PTPN13: variants seen among roughly 807,000 people sequenced by gnomAD.
PTPN13 encodes the protein protein tyrosine phosphatase non-receptor type 13, also known as tyrosine-protein phosphatase non-receptor type 13.
A neutral mutation model predicts 284.0 loss-of-function variants in PTPN13; 191 were observed. The observed-to-expected ratio is 0.67, with a 90% confidence interval of 0.60 to 0.76. The LOEUF (loss-of-function observed/expected upper bound fraction) is 0.76, where lower values mean the gene tolerates loss of function less well. PTPN13 is among the 30% of genes least tolerant of loss of function. The probability of loss-of-function intolerance (pLI) is 0.00; values close to 1 mark genes in which losing one functional copy is unlikely to be tolerated. For missense variants in PTPN13, 2,797 were observed against 2,939.9 expected, an observed-to-expected ratio of 0.95 and a Z score of 1.12; for synonymous variants, 986 against 1,022.3, an observed-to-expected ratio of 0.96 and a Z score of 0.68.
rs1301043823 is a variant in PTPN13 at position 86,801,509 on chromosome 4, A to AGT, written c.6506-2200_6506-2199insGT. ...ATTAGAATTTCAGTTACAGCTAAGC[A>AGT]TACTTGTAAAACTTTAGGACAGCAT... is the stretch of plus-strand genomic sequence containing the variant. On this transcript the variant is annotated intron_variant, in intron 42 of 47. Transcript: ENST00000411767. 2.3e-4 allele frequency among the ~76,000 whole-genome samples: 35 copies of AGT among 152,358 alleles called. No individual in the cohort carries two copies. The Middle Eastern group carries it at 0.01, about 44-fold the overall frequency.
Position 86,764,613 on chromosome 4 carries a change from T to C in PTPN13, c.4038T>C (p.Asn1346=), listed in dbSNP as rs2149254272. Residue 1346 remains asparagine, a synonymous_variant, in exon 25 of 48, where the codon AAT becomes AAC. Coordinates refer to ENST00000411767, the MANE Select transcript of PTPN13 (RefSeq NM_080683.3). The part of the protein sequence containing the change: ...TPKQESSSSV[N]TSNKMNFKTF... The stretch of plus-strand genomic sequence containing the variant: ...TTAAGGAATCTTCCTCTTCAGTGAA[T>C]ACATCCAACAAGATGAATTTTAAAA... 3 of 1,532,844 alleles carry C rather than the reference T, an allele frequency of 2.0e-6. No individual in the cohort carries two copies. In the East Asian group the frequency reaches 7.2e-5, roughly 37 times the overall value. 95.0% of individuals were successfully genotyped at this position (1,532,844 alleles called of 1,614,324 possible).
chr4:86,600,308 A>G (rs1764184815), intron 1 of PTPN13, among the ~76,000 whole-genome samples: 2 of 152,078 alleles, frequency 1.3e-5, no homozygotes, highest in Non-Finnish European at 2.9e-5. Context: ...ACACACCTAG[A>G]AAAGATGTTT....
At chr4:86,814,240 C>T (rs1179908180) in intron 47 of PTPN13, among the ~76,000 whole-genome samples, 3 of 151,272 alleles carry the variant, frequency 2.0e-5, no homozygotes, top group African/African-American at 4.9e-5. Flanking sequence ...CTCTTGACCT[C>T]GTGATCCACC....
intron 17 of PTPN13, 139 bp from the exon 18 acceptor site, chr4:86,750,331 T>A (rs1233976127): frequency 1.3e-6 from 1 of 749,338 alleles, no homozygotes. Context: ...AAACCCTGAT[T>A]GCCACACTTT....
intron 40 of PTPN13, among the ~76,000 whole-genome samples, chr4:86,791,343 C>T (rs1445108937): frequency 1.3e-5 from 2 of 152,172 alleles, no homozygotes; most frequent in East Asian, 3.9e-4. Context: ...AACAAAGCGG[C>T]CGGGAAGCTT....
Position 86,669,285 on chromosome 4 carries a change from G to GTATATATATATA in PTPN13, c.116-3059_116-3048dup, listed in dbSNP as rs34939020. ...TGACCTGTAATGTTGGGAAGAAGAT[G>GTATATATATATA]TATATATATATATATATATATATAT... is the stretch of plus-strand genomic sequence containing the variant. On this transcript the variant is annotated intron_variant, in intron 2 of 47. Transcript: ENST00000411767. 2.9e-3 allele frequency among the ~76,000 whole-genome samples: 334 copies of GTATATATATATA among 113,342 alleles called. 3 individuals are homozygous for GTATATATATATA. The highest frequency in any genetic ancestry group is 5.0e-3 in the African/African-American group (148 of 29,704). 74.4% of individuals were successfully genotyped at this position (113,342 alleles called of 152,430 possible). A position where few individuals can be genotyped will look rare whatever the true frequency, so the allele number is the denominator to read the frequency against.
chr4:86,765,191 C>T (rs1739157189), intron 25 of PTPN13, among the ~76,000 whole-genome samples: 1 of 152,152 alleles, frequency 6.6e-6, no homozygotes, highest in Admixed American at 6.5e-5. Context: ...AGAATGTGAG[C>T]ATAGGCTATT....
At position 86,762,892 on chromosome 4, in the gene PTPN13, G is replaced by A. The variant is rs747624616; in HGVS notation, c.3719G>A (p.Arg1240Gln). Residue 1240 changes from arginine (R) to glutamine (Q), a missense_variant, in exon 24 of 48, where the codon CGG becomes CAG. By Grantham distance (43) the Arg-to-Gln change is conservative (BLOSUM62 1). Coordinates refer to ENST00000411767, the MANE Select transcript of PTPN13 (RefSeq NM_080683.3). ...TCCTTTGGGCCATCTGGGGGCCTGC[G>A]GGAAGGAAGCCTGAGTTCTCAAGAT... ...ENSFGPSGGL[R>Q]EGSLSSQDSR... The A allele has an allele frequency of 3.3e-5, 54 of 1,613,714 alleles. No individual in the cohort carries two copies. The highest frequency in any genetic ancestry group is 2.0e-4 in the East Asian group (9 of 44,868).
At chr4:86,690,712 G>A (rs1729933442) in intron 5 of PTPN13, among the ~76,000 whole-genome samples, 1 of 151,942 alleles carries the variant, frequency 6.6e-6, no homozygotes, top group African/African-American at 2.4e-5. Flanking sequence ...AAAATTGTGA[G>A]AGATATTTTT....
At chr4:86,623,571 T>A (rs902721908) in intron 1 of PTPN13, among the ~76,000 whole-genome samples, 42 of 152,190 alleles carry the variant, frequency 2.8e-4, no homozygotes, top group African/African-American at 9.6e-4. Flanking sequence ...TAGTTTCACC[T>A]AACACGATGC....
At chr4:86,789,161 C>A (rs1458235206) in intron 40 of PTPN13, among the ~76,000 whole-genome samples, 2 of 152,204 alleles carry the variant, frequency 1.3e-5, no homozygotes, top group African/African-American at 4.8e-5. Context: ...GGTATTAGTT[C>A]ATGAAGTGAC....
intron 1 of PTPN13, among the ~76,000 whole-genome samples, chr4:86,615,959 G>T (rs150768995): frequency 6.6e-6 from 1 of 152,268 alleles, no homozygotes; most frequent in East Asian, 1.9e-4. Context: ...GATTTACAGG[G>T]TCTAAGCTAC....
At chr4:86,772,351 C>T (rs748384949) in intron 31 of PTPN13, among the ~76,000 whole-genome samples, 9 of 152,058 alleles carry the variant, frequency 5.9e-5, no homozygotes, top group Non-Finnish European at 7.4e-5. Flanking sequence ...CTCAGGAGTT[C>T]GAGACCAGCC....
intron 3 of PTPN13, among the ~76,000 whole-genome samples, chr4:86,675,250 G>A (rs1199735760): frequency 6.6e-6 from 1 of 152,138 alleles, no homozygotes; most frequent in Non-Finnish European, 1.5e-5. Context: ...TGATTTCTTA[G>A]TCTGTCTAAT....
chr4:86,792,441 A>T (rs972906655), intron 40 of PTPN13, among the ~76,000 whole-genome samples: 3 of 152,226 alleles, frequency 2.0e-5, no homozygotes, highest in Non-Finnish European at 4.4e-5. Flanking sequence ...TCTTCAGGAT[A>T]TTATCCAGGA....
Position 86,751,104 on chromosome 4 carries a change from C to G in PTPN13, c.3146C>G (p.Pro1049Arg). Residue 1049 changes from proline (P) to arginine (R), a missense_variant, in exon 19 of 48, where the codon CCT (proline) becomes CGT (arginine). By Grantham distance (103) the Pro-to-Arg change is moderately radical (BLOSUM62 -2). Transcript: ENST00000411767. ...HESDSSSIED[P>R]GQAYVLGMTM... ...TCAGACTCCTCATCCATTGAAGACC[C>G]TGGGCAAGCATATGTTCTAGGTCAG... The G allele has an allele frequency of 6.2e-7, 1 of 1,600,936 alleles. No individual in the cohort carries two copies. The highest frequency in any genetic ancestry group is 8.6e-7 in the Non-Finnish European group (1 of 1,168,546).
intron 2 of PTPN13, among the ~76,000 whole-genome samples, chr4:86,661,594 A>G (rs573229477): frequency 3.3e-5 from 5 of 152,322 alleles, no homozygotes; most frequent in Non-Finnish European, 5.9e-5. Context: ...AGTTATGTCA[A>G]TAGCAGCAGA....
chr4:86,802,168 T>TGC (rs1018421946), intron 42 of PTPN13, among the ~76,000 whole-genome samples: 1 of 151,918 alleles, frequency 6.6e-6, no homozygotes, highest in African/African-American at 2.4e-5. Context: ...TGTGTGTGTG[T>TGC]GTGTGTGTGT....
intron 5 of PTPN13, chr4:86,689,681 G>C (rs1484707970): frequency 1.4e-6 from 1 of 702,336 alleles, no homozygotes; most frequent in Non-Finnish European, 2.6e-6. Flanking sequence ...AGTGTATCCA[G>C]GGAATCCATG....
Sources: gnomAD v4.1 joint callset for allele counts (sites outside exome capture counted in the v4.1 genomes callset) on GRCh38, gnomAD v4.1.1 for gene constraint, MANE v1.5 for transcripts, NCBI Gene and HGNC (gene_info 2026-07-23, HGNC 2026-07-21) for gene names.